YAF2: variants seen among roughly 807,000 people sequenced by gnomAD.
YAF2 encodes YY1-associated factor 2.
In YAF2, 7 loss-of-function variants were observed where a neutral mutation model predicts 20.1. That is an observed-to-expected ratio of 0.35 (90% CI 0.20 to 0.65). The LOEUF is 0.65. YAF2 is among the 30% of genes least tolerant of loss of function. The pLI is 0.69. For missense variants in YAF2, 151 were observed against 219.2 expected, an observed-to-expected ratio of 0.69 and a Z score of 1.96; for synonymous variants, 74 against 76.0, an observed-to-expected ratio of 0.97 and a Z score of 0.14.
At chr12:42,165,261 G>T (rs1238168350) in intron 2 of YAF2, among the ~76,000 whole-genome samples, 2 of 151,924 alleles carry the variant, frequency 1.3e-5, no homozygotes, top group Non-Finnish European at 2.9e-5. Flanking sequence ...AGACAGAGAG[G>T]AAATAACTTC....
At chr12:42,219,600 A>G (rs1435557465) in intron 2 of YAF2, among the ~76,000 whole-genome samples, 1 of 152,120 alleles carries the variant, frequency 6.6e-6, no homozygotes, top group East Asian at 1.9e-4. Context: ...CCAGGCACAC[A>G]CCCATACATA....
At chr12:42,216,188 C>T (rs1411038235) in intron 2 of YAF2, among the ~76,000 whole-genome samples, 2 of 152,068 alleles carry the variant, frequency 1.3e-5, no homozygotes, top group Non-Finnish European at 2.9e-5. Context: ...TTCCTACCTA[C>T]CAATATTAAC....
At chr12:42,165,841 C>T (rs1171819147) in intron 2 of YAF2, among the ~76,000 whole-genome samples, 4 of 140,998 alleles carry the variant, frequency 2.8e-5, no homozygotes, top group Non-Finnish European at 6.0e-5. Flanking sequence ...ATCCTATGAA[C>T]ATTCATCTTG....
chr12:42,207,267 T>C (rs564301379), intron 2 of YAF2, among the ~76,000 whole-genome samples: 1 of 152,368 alleles, frequency 6.6e-6, no homozygotes, highest in African/African-American at 2.4e-5. Context: ...TGCTTTCTGA[T>C]GATTATTTAG....
chr12:42,207,437 T>A (rs1287136095), intron 2 of YAF2, among the ~76,000 whole-genome samples: 1 of 151,530 alleles, frequency 6.6e-6, no homozygotes, highest in Non-Finnish European at 1.5e-5. Flanking sequence ...CTCAAAACTA[T>A]ATACTCTTTT....
At chr12:42,227,494 C>G (rs556293245) in intron 2 of YAF2, among the ~76,000 whole-genome samples, 17 of 143,218 alleles carry the variant, frequency 1.2e-4, no homozygotes, top group South Asian at 7.2e-4. Flanking sequence ...CCCCGCCGCC[C>G]CATCTGGGAT....
chr12:42,201,282 A>C (rs2066892141), intron 2 of YAF2, among the ~76,000 whole-genome samples: 1 of 152,326 alleles, frequency 6.6e-6, no homozygotes, highest in African/African-American at 2.4e-5. Context: ...CACATTTTCA[A>C]CTGTATGAGT....
chr12:42,157,352 C>A lies in YAF2; in HGVS notation c.*3237G>T, dbSNP rs1030274153. The A allele has an allele frequency of 6.6e-6, 1 of 152,210 alleles. No homozygotes were observed. The allele number at this position is 152,210 out of a possible 1,614,324, so 9.4% of individuals were successfully genotyped here. ...GAACTAACTGAGCCTCATGAGAAAG[C>A]CTTTAATCCATCTCAATGACCTAAT... On this transcript the variant is annotated 3_prime_UTR_variant, in exon 4 of 4. Transcript: ENST00000534854.
intron 2 of YAF2, among the ~76,000 whole-genome samples, chr12:42,201,211 T>C (rs952965673): frequency 6.6e-6 from 1 of 152,210 alleles, no homozygotes; most frequent in Non-Finnish European, 1.5e-5. Context: ...CTTGGGCAAC[T>C]GTTCAAGTTT....
rs368133025 is a variant in YAF2 at position 42,204,201 on chromosome 12, G to A, written c.152+33398C>T. On this transcript the variant is annotated intron_variant, in intron 2 of 3. Coordinates refer to ENST00000534854, the MANE Select transcript of YAF2 (RefSeq NM_005748.6). The stretch of plus-strand genomic sequence containing the variant: ...AAAGTGTGAACCTTTGTACACTGCT[G>A]GTGGGAAAATAAAATGATGCAGCCA... Among the ~76,000 whole-genome samples, 17 of 152,294 alleles carry A rather than the reference G, an allele frequency of 1.1e-4. No individual in the cohort carries two copies. The South Asian group carries it at 3.3e-3, about 30-fold the overall frequency.
At chr12:42,165,641 T>A (rs781163670) in intron 2 of YAF2, among the ~76,000 whole-genome samples, 1 of 151,550 alleles carries the variant, frequency 6.6e-6, no homozygotes, top group Admixed American at 6.6e-5. Flanking sequence ...TTTTTTTTTA[T>A]TTTTTATTTT....
intron 2 of YAF2, among the ~76,000 whole-genome samples, chr12:42,213,975 A>G (rs1359100637): frequency 6.6e-6 from 1 of 152,234 alleles, no homozygotes; most frequent in Non-Finnish European, 1.5e-5. Flanking sequence ...TAACTAGAAT[A>G]GCCCAACTAG....
intron 2 of YAF2, among the ~76,000 whole-genome samples, chr12:42,183,442 C>T (rs78445494): frequency 1.3e-5 from 2 of 151,978 alleles, no homozygotes; most frequent in African/African-American, 2.4e-5. Flanking sequence ...GAAAAGCTGT[C>T]GAAGGAAATT....
At chr12:42,195,174 ACTC>A (rs1264056476) in intron 2 of YAF2, among the ~76,000 whole-genome samples, 1 of 152,010 alleles carries the variant, frequency 6.6e-6, no homozygotes, top group Non-Finnish European at 1.5e-5. Flanking sequence ...AGAGAGAAAA[ACTC>A]CTGGCTAGAT....
chr12:42,205,037 T>A (rs943390442), intron 2 of YAF2, among the ~76,000 whole-genome samples: 1 of 150,508 alleles, frequency 6.6e-6, no homozygotes, highest in Non-Finnish European at 1.5e-5. Flanking sequence ...TATGTGAATA[T>A]CTCAATAAAG....
At chr12:42,210,004 G>A (rs1469826284) in intron 2 of YAF2, among the ~76,000 whole-genome samples, 2 of 152,110 alleles carry the variant, frequency 1.3e-5, no homozygotes, top group Admixed American at 1.3e-4. Context: ...CTCCATGTTG[G>A]TCAGGCTGTT....
At chr12:42,198,949 CCT>C (rs1215442984) in intron 2 of YAF2, among the ~76,000 whole-genome samples, 1 of 151,934 alleles carries the variant, frequency 6.6e-6, no homozygotes, top group Non-Finnish European at 1.5e-5. Context: ...TAAAATATAC[CCT>C]GATTTTGAAT....
Position 42,221,199 on chromosome 12 carries a change from T to C in YAF2, c.152+16400A>G, listed in dbSNP as rs574789324. On this transcript the variant is annotated intron_variant, in intron 2 of 3. Coordinates refer to ENST00000534854, the MANE Select transcript of YAF2 (RefSeq NM_005748.6). ...AGAGGTATACCACTAGATCTAGGTA[T>C]AGGCAAAATTATAAGAAGAAATCTT... Among the ~76,000 whole-genome samples, 334 of 152,260 alleles carry C rather than the reference T, an allele frequency of 2.2e-3. 1 individual carries two copies. Among genetic ancestry groups the C allele is most frequent in the African/African-American group, 7.8e-3 (325 of 41,552 alleles).
At chr12:42,238,044 GCC>G (rs1014644745) in intron 1 of YAF2, 109 bp downstream of exon 1, 23 of 930,436 alleles carry the variant, frequency 2.5e-5, no homozygotes, top group Admixed American at 4.6e-5. Flanking sequence ...CAGCGGCGCT[GCC>G]CCCGTGCTCG....
Sources: allele counts gnomAD v4.1 joint callset (sites outside exome capture counted in the v4.1 genomes callset), GRCh38; gene constraint gnomAD v4.1.1; transcripts MANE v1.5; gene names NCBI Gene and HGNC (gene_info 2026-07-23, HGNC 2026-07-21).